TANC2: variants seen among roughly 807,000 people sequenced by gnomAD.
TANC2 encodes protein TANC2.
TANC2 carries 26 observed loss-of-function variants against 210.5 expected under a neutral mutation model. That is an observed-to-expected ratio of 0.12 (90% CI 0.09 to 0.17). The LOEUF (loss-of-function observed/expected upper bound fraction) is 0.17. Among genes scored for constraint, TANC2 ranks in the 10% least tolerant of loss-of-function variants. The pLI is 1.00. For missense variants in TANC2, 2,129 were observed against 2,608.9 expected (o/e 0.82, Z 4.01); for synonymous variants, 931 against 967.1 (o/e 0.96, Z 0.69).
chr17:63,387,220 GA>G (rs895340092), intron 15 of TANC2, among the ~76,000 whole-genome samples: 31 of 150,616 alleles, frequency 2.1e-4, no homozygotes, highest in Non-Finnish European at 4.3e-4. Context: ...CCCACAGGGA[GA>G]AAAAAAAAGG....
chr17:63,262,805 T>C (rs1195077033), intron 8 of TANC2, among the ~76,000 whole-genome samples: 1 of 152,166 alleles, frequency 6.6e-6, no homozygotes, highest in African/African-American at 2.4e-5. Context: ...AAAGAATTCA[T>C]GGAAACATTA....
intron 2 of TANC2, among the ~76,000 whole-genome samples, chr17:63,043,416 T>C (rs1388659333): frequency 1.3e-5 from 2 of 152,076 alleles, no homozygotes; most frequent in African/African-American, 4.8e-5. Context: ...TATAAACCCA[T>C]ACATAATGAT....
At chr17:63,140,720 T>C (rs1012348448) in intron 4 of TANC2, among the ~76,000 whole-genome samples, 3 of 152,142 alleles carry the variant, frequency 2.0e-5, no homozygotes, top group Admixed American at 1.3e-4. Context: ...TTTTACATCC[T>C]AAAATCAGTC....
At chr17:63,203,594 G>A (rs567655282) in intron 7 of TANC2, among the ~76,000 whole-genome samples, 28 of 152,230 alleles carry the variant, frequency 1.8e-4, no homozygotes, top group African/African-American at 6.5e-4. Context: ...TAGAGGTTCT[G>A]CAGCTCTTCA....
rs72845241 is a variant in TANC2, at chr17:63,286,057, T to A, written c.1159+18184T>A. On this transcript the variant is annotated intron_variant, in intron 9 of 27. Coordinates refer to ENST00000689528, the Ensembl canonical transcript of TANC2. ...ATATTTCCATTTGTCCCCTCCCAAC[T>A]TCTATGTTGTTGTTGTCAGACATTT... Among the ~76,000 whole-genome samples the A allele has an allele frequency of 2.6e-5, 4 of 152,206 alleles. No individual in the cohort carries two copies. The East Asian group carries it at 7.7e-4, about 29-fold the overall frequency.
intron 3 of TANC2, among the ~76,000 whole-genome samples, chr17:63,083,861 A>T (rs1216247107): frequency 1.3e-5 from 2 of 152,248 alleles, no homozygotes; most frequent in South Asian, 2.1e-4. Context: ...ATGGTGTGTA[A>T]TTCCTTTTAT....
At chr17:63,001,530 C>CTTTTTTTTTTTTTTTTTTTTTTT (rs534398376) in intron 1 of TANC2, among the ~76,000 whole-genome samples, 2 of 140,136 alleles carry the variant, frequency 1.4e-5, no homozygotes, top group Non-Finnish European at 1.5e-5. Flanking sequence ...CTTTTCTTTT[C>CTTTTTTTTTTTTTTTTTTTTTTT]TTTTTTTTTT....
chr17:63,047,238 A>C (rs1212988409), intron 2 of TANC2, among the ~76,000 whole-genome samples: 1 of 152,218 alleles, frequency 6.6e-6, no homozygotes. Context: ...ACAAAAGTAG[A>C]TCCAATTAGA....
At chr17:63,176,021 T>C (rs2040567382) in intron 5 of TANC2, among the ~76,000 whole-genome samples, 1 of 152,184 alleles carries the variant, frequency 6.6e-6, no homozygotes, top group South Asian at 2.1e-4. Flanking sequence ...TATTTATTAG[T>C]ATAACTAAAA....
At chr17:62,967,433 CCA>C (rs1357928784) in intron 1 of TANC2, 1 of 152,080 alleles carries the variant, frequency 6.6e-6, no homozygotes, top group Non-Finnish European at 1.5e-5. Context: ...ACAATTGTAT[CCA>C]GTCTTCATTT....
chr17:63,181,130 C>T (rs150676377), intron 5 of TANC2, among the ~76,000 whole-genome samples: 10 of 151,970 alleles, frequency 6.6e-5, no homozygotes, highest in Admixed American at 2.6e-4. Flanking sequence ...GTCACAGAGC[C>T]GCCTCTTCTT....
chr17:63,089,863 A>G (rs1321835147), intron 3 of TANC2, among the ~76,000 whole-genome samples: 1 of 152,216 alleles, frequency 6.6e-6, no homozygotes, highest in Non-Finnish European at 1.5e-5. Context: ...TGGAGATAAA[A>G]TATCCAATTA....
At chr17:63,317,833 A>G (rs1208831703) in intron 10 of TANC2, among the ~76,000 whole-genome samples, 1 of 152,284 alleles carries the variant, frequency 6.6e-6, no homozygotes, top group Non-Finnish European at 1.5e-5. Context: ...CCAAAAGGAA[A>G]TAGCTAGAAA....
At chr17:63,195,060 G>A (rs144230899) in intron 6 of TANC2, among the ~76,000 whole-genome samples, 109 of 152,146 alleles carry the variant, frequency 7.2e-4, no homozygotes, top group African/African-American at 2.5e-3. Flanking sequence ...GTTACAATGA[G>A]ATATACAAGG....
intron 9 of TANC2, among the ~76,000 whole-genome samples, chr17:63,307,420 A>C (rs1035555873): frequency 6.6e-6 from 1 of 152,142 alleles, no homozygotes; most frequent in Admixed American, 6.5e-5. Flanking sequence ...CAATTCATGT[A>C]AGTTTCCTTC....
intron 11 of TANC2, among the ~76,000 whole-genome samples, chr17:63,330,578 T>C (rs2045805154): frequency 6.6e-6 from 1 of 152,226 alleles, no homozygotes; most frequent in Non-Finnish European, 1.5e-5. Context: ...TGACTTAAAA[T>C]ATAATTCATC....
exon 16 of TANC2, chr17:63,388,638 T>C: frequency 6.2e-7 from 1 of 1,603,400 alleles, no homozygotes; most frequent in Non-Finnish European, 8.5e-7. Context: ...TATTCAGGGT[T>C]TGAGTAAAAA....
chr17:63,291,014 T>TA lies in TANC2; in HGVS notation c.1159+23152dup, dbSNP rs147777403. Among the ~76,000 whole-genome samples, 207 of 148,740 alleles carry TA rather than the reference T, an allele frequency of 1.4e-3. 1 individual carries two copies. Among genetic ancestry groups the TA allele is most frequent in the African/African-American group, 4.4e-3 (179 of 40,750 alleles). ...AACTTTTCTAAATGAAAGTGAGTCT[T>TA]AAAAAAAAAAATTCATACTGTCCTC... On this transcript the variant is annotated intron_variant, in intron 9 of 27. Transcript: ENST00000689528.
chr17:63,172,095 A>G (rs1196386466), intron 5 of TANC2, among the ~76,000 whole-genome samples: 1 of 152,158 alleles, frequency 6.6e-6, no homozygotes, highest in Non-Finnish European at 1.5e-5. Context: ...AACATTTTTT[A>G]TAATGACACT....
Sources: allele counts gnomAD v4.1 joint callset (sites outside exome capture counted in the v4.1 genomes callset), GRCh38; gene constraint gnomAD v4.1.1; transcripts MANE v1.5; gene names NCBI Gene and HGNC (gene_info 2026-07-23, HGNC 2026-07-21).